SLC12A9: variants seen among roughly 807,000 people sequenced by gnomAD.
SLC12A9 encodes CCC-interacting protein 1.
SLC12A9 carries 55 observed loss-of-function variants against 66.0 expected under a neutral mutation model. The observed-to-expected ratio is 0.83, with a 90% CI of 0.67 to 1.04. The LOEUF (loss-of-function observed/expected upper bound fraction) is 1.04. Ranked by LOEUF, SLC12A9 falls within the 50% of genes least tolerant of loss-of-function variation. The probability of loss-of-function intolerance (pLI) is 0.00; values close to 1 mark genes in which losing one functional copy is unlikely to be tolerated. For synonymous variants in SLC12A9, 577 were observed against 569.0 expected (o/e 1.01, Z -0.20); for missense variants, 1,061 against 1,241.9 (o/e 0.85, Z 2.19).
At position 100,866,762 on chromosome 7, in the gene SLC12A9, C is replaced by T. The variant is rs1021611664; in HGVS notation, c.*157C>T. Reference sequence around the variant, plus strand: ...AAGGGGATCCTGGGCTTGGGCATCACGCCCACCTCCTTTGGCAGAGGGACC... The same window carrying T: ...AAGGGGATCCTGGGCTTGGGCATCATGCCCACCTCCTTTGGCAGAGGGACC... On this transcript the variant is annotated 3_prime_UTR_variant, in exon 14 of 14. Coordinates refer to ENST00000354161, the MANE Select transcript of SLC12A9 (RefSeq NM_020246.4). The surrounding 1 kb of genome is among the most constrained non-coding windows in gnomAD (Gnocchi z 7.3). 27 of 746,662 alleles carry T rather than the reference C, an allele frequency of 3.6e-5. No homozygotes were observed. The highest frequency in any genetic ancestry group is 1.8e-4 in the African/African-American group (10 of 54,692). 46.3% of individuals were successfully genotyped at this position (746,662 alleles called of 1,614,324 possible).
At chr7:100,839,408 C>T (rs1813734412) in intron 1 of SLC12A9, among the ~76,000 whole-genome samples, 2 of 152,168 alleles carry the variant, frequency 1.3e-5, no homozygotes, top group Non-Finnish European at 2.9e-5. Context: ...CCGAATAAAC[C>T]CCTTCCTTCT....
In SLC12A9 at chr7:100,859,945, G is replaced by A. The variant is rs750503169; in HGVS notation, c.1038G>A (p.Val346=). The A allele has an allele frequency of 6.2e-7, 1 of 1,612,374 alleles. No homozygotes were observed. Among genetic ancestry groups the A allele is most frequent in the African/African-American group, 1.3e-5 (1 of 75,012 alleles). ...CCATCAGCCTGTGGCCCCCACTGGT[G>A]TTGATCGGAATCTATGCCACAGCGC... The part of the protein sequence containing the change: ...FRAISLWPPL[V]LIGIYATALS... The change falls in exon 8 of 14, where the codon GTG becomes GTA. Residue 346 remains valine (V), a synonymous_variant. Transcript: ENST00000354161.
At chr7:100,830,068 T>C (rs547653429) in intron 1 of SLC12A9, among the ~76,000 whole-genome samples, 1 of 145,140 alleles carries the variant, frequency 6.9e-6, no homozygotes, top group East Asian at 2.1e-4. Flanking sequence ...AATAAATAAA[T>C]AGGCTGGGCG....
intron 1 of SLC12A9, among the ~76,000 whole-genome samples, chr7:100,832,002 A>G (rs1813552701): frequency 6.6e-6 from 1 of 152,268 alleles, no homozygotes; most frequent in Non-Finnish European, 1.5e-5. Flanking sequence ...AAGGAATTTG[A>G]TAGAGTTTTC....
At chr7:100,855,163 C>T (rs1001365970) in intron 3 of SLC12A9, among the ~76,000 whole-genome samples, 1 of 152,196 alleles carries the variant, frequency 6.6e-6, no homozygotes, top group Non-Finnish European at 1.5e-5. Flanking sequence ...GACTCTGACT[C>T]CCAGGCTGCA....
rs1280142386 is a variant in SLC12A9 at position 100,866,729 on chromosome 7, G to A, written c.*124G>A. On this transcript the variant is annotated 3_prime_UTR_variant, in exon 14 of 14. Coordinates refer to ENST00000354161, the MANE Select transcript of SLC12A9 (RefSeq NM_020246.4). The surrounding 1 kb of genome is among the most constrained non-coding windows in gnomAD (Gnocchi z 7.3). ...TGCCCTTGGGACGTGGAGCCCAGGGGAGGTTTGAAGGGGATCCTGGGCTTG... is the reference window on the plus strand; with the variant it reads ...TGCCCTTGGGACGTGGAGCCCAGGGAAGGTTTGAAGGGGATCCTGGGCTTG... 1.9e-6 allele frequency: 2 copies of A among 1,079,630 alleles called. No homozygotes were observed. Among genetic ancestry groups the A allele is most frequent in the Non-Finnish European group, 2.5e-6 (2 of 790,842 alleles). 66.9% of individuals were successfully genotyped at this position (1,079,630 alleles called of 1,614,324 possible). A position where few individuals can be genotyped will look rare whatever the true frequency, so the allele number is the denominator to read the frequency against.
At chr7:100,839,818 G>A (rs1051458403) in intron 1 of SLC12A9, among the ~76,000 whole-genome samples, 5 of 152,096 alleles carry the variant, frequency 3.3e-5, no homozygotes, top group African/African-American at 4.8e-5. Context: ...CAAGGCGGGC[G>A]GATGACGAGG....
intron 3 of SLC12A9, 29 bp downstream of exon 3, chr7:100,854,783 C>T (rs769093247): frequency 3.1e-6 from 5 of 1,612,024 alleles, no homozygotes; most frequent in Non-Finnish European, 4.2e-6. Flanking sequence ...GGACTGGGGT[C>T]TGGCCTGTTC....
chr7:100,848,323 A>G (rs565942786), upstream of SLC12A9, among the ~76,000 whole-genome samples: 3 of 151,580 alleles, frequency 2.0e-5, no homozygotes, highest in East Asian at 5.9e-4. Flanking sequence ...TGGGCAACAT[A>G]GTGAGAACCT....
chr7:100,863,043 T>C (rs1814857236), intron 13 of SLC12A9, among the ~76,000 whole-genome samples: 1 of 150,812 alleles, frequency 6.6e-6, no homozygotes. Context: ...GGCGATGTTG[T>C]GGGTTTTTTT....
chr7:100,862,810 T>C lies in SLC12A9; in HGVS notation c.1841T>C (p.Leu614Pro), dbSNP rs761667518. The C allele has an allele frequency of 6.2e-7, 1 of 1,614,186 alleles. No homozygotes were observed. The highest frequency in any genetic ancestry group is 2.2e-5 in the East Asian group (1 of 44,872). ...GTGCGCCAGGGGGCTCAGCATCTGC[T>C]GCGAATCTCCGGCCTCGGTGAGCTG... Reference protein sequence around the residue: ...PSVRQGAQHLLRISGLGGMKP... With the variant: ...PSVRQGAQHLPRISGLGGMKP... The change falls in exon 13 of 14, where the codon CTG (leucine) becomes CCG (proline). Residue 614 changes from leucine to proline, a missense_variant. Leu to Pro is a moderately conservative substitution (Grantham distance 98, BLOSUM62 -3). Transcript: ENST00000354161.
chr7:100,835,169 A>T (rs1813624691), intron 1 of SLC12A9, among the ~76,000 whole-genome samples: 1 of 151,912 alleles, frequency 6.6e-6, no homozygotes. Flanking sequence ...CGGCCTGGCC[A>T]ACATGGTGAA....
In SLC12A9 at chr7:100,856,852, C is replaced by T; in HGVS notation, c.449-16C>T. The T allele has an allele frequency of 1.9e-6, 3 of 1,570,810 alleles. No homozygotes were observed. Among genetic ancestry groups the T allele is most frequent in the Non-Finnish European group, 2.6e-6 (3 of 1,160,662 alleles). On this transcript the variant is annotated splice_polypyrimidine_tract_variant and intron_variant, in intron 4 of 13. Transcript: ENST00000354161. ...TTAGGATCGGGCCTTCTAACTCTGT[C>T]CCTACCTCTCTCCAGATGCCACAGG...
upstream of SLC12A9, among the ~76,000 whole-genome samples, chr7:100,848,527 T>TAAATAATA (rs369233222): frequency 7.9e-6 from 1 of 126,502 alleles, no homozygotes; most frequent in South Asian, 2.4e-4. Context: ...AATAAATAAA[T>TAAATAATA]AATAAATAAA....
chr7:100,859,363 G>A (rs1475165005), intron 7 of SLC12A9: 2 of 595,466 alleles, frequency 3.4e-6, no homozygotes, highest in East Asian at 5.7e-5. Flanking sequence ...GTGAGGGTGG[G>A]TAGTGGCTTT....
At chr7:100,837,552 G>C (rs1349816961) in intron 1 of SLC12A9, 1 of 152,244 alleles carries the variant, frequency 6.6e-6, no homozygotes, top group Non-Finnish European at 1.5e-5. Context: ...GACTGCTGGC[G>C]TGCAGTGGGG....
chr7:100,828,108 C>T (rs1460441188), intron 1 of SLC12A9, among the ~76,000 whole-genome samples: 1 of 152,212 alleles, frequency 6.6e-6, no homozygotes, highest in Non-Finnish European at 1.5e-5. Context: ...TTGCAGCGAA[C>T]GTTCACACAG....
chr7:100,837,779 C>G (rs1356036812), intron 1 of SLC12A9, among the ~76,000 whole-genome samples: 2 of 152,120 alleles, frequency 1.3e-5, no homozygotes, highest in Non-Finnish European at 2.9e-5. Flanking sequence ...CACACTTGGC[C>G]TCCCAAAGTG....
chr7:100,835,059 CAA>C (rs1307988452), intron 1 of SLC12A9, among the ~76,000 whole-genome samples: 1 of 151,368 alleles, frequency 6.6e-6, no homozygotes, highest in African/African-American at 2.5e-5. Flanking sequence ...AATAAACAAA[CAA>C]AAGAGTGTGA....
Sources: allele counts gnomAD v4.1 joint callset (sites outside exome capture counted in the v4.1 genomes callset), GRCh38; gene constraint gnomAD v4.1.1; non-coding constraint Gnocchi (gnomAD v3.1); transcripts MANE v1.5; gene names NCBI Gene and HGNC (gene_info 2026-07-23, HGNC 2026-07-21).